The following GASK1B variants were observed in gnomAD, a reference collection of about 807,000 sequenced individuals.
GASK1B encodes the protein golgi associated kinase 1B, also known as Golgi-associated kinase 1B.
In GASK1B, 34 loss-of-function variants were observed where a neutral mutation model predicts 42.8. That is an observed-to-expected ratio of 0.79 (90% CI 0.60 to 1.06). The LOEUF (loss-of-function observed/expected upper bound fraction) is 1.06, where lower values mean the gene tolerates loss of function less well. Ranked by LOEUF, GASK1B falls within the 50% of genes least tolerant of loss-of-function variation. The pLI is 0.00. For synonymous variants in GASK1B, 262 were observed against 259.1 expected (o/e 1.01, Z -0.11); for missense variants, 686 against 661.0 (o/e 1.04, Z -0.42).
rs769592624 is a variant in GASK1B at position 158,170,473 on chromosome 4, G to C, written c.903C>G (p.Phe301Leu). 7.4e-6 allele frequency: 12 copies of C among 1,614,146 alleles called. No homozygotes were observed. Among genetic ancestry groups the C allele is most frequent in the Non-Finnish European group, 1.0e-5 (12 of 1,180,060 alleles). The change falls in exon 2 of 5, where the codon TTC (phenylalanine) becomes TTG (leucine). Residue 301 changes from phenylalanine to leucine, a missense_variant. Physicochemically the swap from Phe to Leu is conservative, Grantham distance 22. Transcript: ENST00000585682. ...AGCATGTGAATCTGTTACCTTGGATGAACTCTGCTTTCCTGCTCACAGACG... is the reference window on the plus strand; with the variant it reads ...AGCATGTGAATCTGTTACCTTGGATCAACTCTGCTTTCCTGCTCACAGACG... ...TLPSVSRKAE[F>L]IQDGRPCPII...
intron 3 of GASK1B, among the ~76,000 whole-genome samples, chr4:158,134,178 C>T (rs1327966689): frequency 6.6e-6 from 1 of 152,176 alleles, no homozygotes; most frequent in African/African-American, 2.4e-5. Flanking sequence ...AATCTACACC[C>T]TTAAATTCAG....
At chr4:158,127,827 T>C (rs1163334035) in intron 4 of GASK1B, among the ~76,000 whole-genome samples, 1 of 152,140 alleles carries the variant, frequency 6.6e-6, no homozygotes. Flanking sequence ...TTCTACACCA[T>C]TCAGAACATG....
Position 158,143,837 on chromosome 4 carries a change from T to TA in GASK1B, c.1125+11773dup, listed in dbSNP as rs887179317. 1.2e-4 allele frequency among the ~76,000 whole-genome samples: 19 copies of TA among 152,088 alleles called. No individual in the cohort carries two copies. In the South Asian group the frequency reaches 1.7e-3, roughly 13 times the overall value. The stretch of plus-strand genomic sequence containing the variant: ...AATTATTGTTTACCTACACATGCAT[T>TA]AAAAAAAATCCTTTGTGCTGTCTCC... On this transcript the variant is annotated intron_variant, in intron 3 of 4. Coordinates refer to ENST00000585682, the MANE Select transcript of GASK1B (RefSeq NM_001128424.2).
chr4:158,154,687 T>C (rs963922631), intron 3 of GASK1B, among the ~76,000 whole-genome samples: 1 of 152,220 alleles, frequency 6.6e-6, no homozygotes, highest in Non-Finnish European at 1.5e-5. Context: ...TAAAGAGGTA[T>C]GAAATAATGG....
intron 2 of GASK1B, among the ~76,000 whole-genome samples, chr4:158,164,633 C>T (rs1297976539): frequency 6.6e-6 from 1 of 152,194 alleles, no homozygotes; most frequent in African/African-American, 2.4e-5. Flanking sequence ...AACATGATTA[C>T]ACACTCCTAA....
chr4:158,170,539 G>A lies in GASK1B; in HGVS notation c.837C>T (p.Ala279=). Residue 279 remains alanine (A), a synonymous_variant, in exon 2 of 5, where the codon GCC becomes GCT. Transcript: ENST00000585682. ...GCCCCAGGATCCTGTCTAGGTGGAA[G>A]GCAAACACCTCACTCATGTCCAAGG... ...KQPLDMSEVF[A]FHLDRILGLN... 6.2e-7 allele frequency: 1 copy of A among 1,614,256 alleles called. No individual in the cohort carries two copies. Among genetic ancestry groups the A allele is most frequent in the Non-Finnish European group, 8.5e-7 (1 of 1,180,048 alleles).
In GASK1B at chr4:158,170,529, C is replaced by A. The variant is rs753113769; in HGVS notation, c.847G>T (p.Asp283Tyr). The change falls in exon 2 of 5, where the codon GAC (aspartate) becomes TAC (tyrosine). Residue 283 changes from aspartate (D) to tyrosine (Y), a missense_variant. By Grantham distance (160) the Asp-to-Tyr change is radical. Coordinates refer to ENST00000585682, the MANE Select transcript of GASK1B (RefSeq NM_001128424.2). The stretch of plus-strand genomic sequence containing the variant: ...GTCCTGTTGAGCCCCAGGATCCTGT[C>A]TAGGTGGAAGGCAAACACCTCACTC... Reference protein sequence around the residue: ...DMSEVFAFHLDRILGLNRTLP... With the variant: ...DMSEVFAFHLYRILGLNRTLP... 1.9e-6 allele frequency: 3 copies of A among 1,614,242 alleles called. No homozygotes were observed. The highest frequency in any genetic ancestry group is 2.5e-6 in the Non-Finnish European group (3 of 1,180,044).
At chr4:158,143,087 C>T (rs78371747) in intron 3 of GASK1B, among the ~76,000 whole-genome samples, 414 of 152,202 alleles carry the variant, frequency 2.7e-3, no homozygotes, top group African/African-American at 9.6e-3. Context: ...TTATTTTGTG[C>T]GTGATAATAG....
At chr4:158,133,828 C>T (rs1441354703) in intron 3 of GASK1B, among the ~76,000 whole-genome samples, 2 of 152,108 alleles carry the variant, frequency 1.3e-5, no homozygotes, top group African/African-American at 4.8e-5. Flanking sequence ...TGCATTCAGC[C>T]CAACTTCTCT....
chr4:158,168,448 A>G (rs1253366829), intron 2 of GASK1B: 1 of 152,232 alleles, frequency 6.6e-6, no homozygotes, highest in Non-Finnish European at 1.5e-5. Context: ...GAGGAATTCA[A>G]TGAACTTGGT....
chr4:158,143,553 A>G (rs1373043337), intron 3 of GASK1B, among the ~76,000 whole-genome samples: 1 of 152,182 alleles, frequency 6.6e-6, no homozygotes, highest in Non-Finnish European at 1.5e-5. Context: ...CTGAGGTAAC[A>G]TTAATAGAAA....
At chr4:158,148,478 CA>C (rs1352798203) in intron 3 of GASK1B, among the ~76,000 whole-genome samples, 2 of 152,062 alleles carry the variant, frequency 1.3e-5, no homozygotes, top group Non-Finnish European at 2.9e-5. Flanking sequence ...GAACAAAATA[CA>C]TAAGTCCACT....
At chr4:158,163,143 C>T (rs894846649) in intron 2 of GASK1B, among the ~76,000 whole-genome samples, 4 of 152,152 alleles carry the variant, frequency 2.6e-5, no homozygotes, top group African/African-American at 9.7e-5. Context: ...CAAGGTCCTT[C>T]TTTAAATGAA....
chr4:158,154,027 T>G (rs1579035496), intron 3 of GASK1B, among the ~76,000 whole-genome samples: 1 of 151,748 alleles, frequency 6.6e-6, no homozygotes, highest in East Asian at 1.9e-4. Flanking sequence ...CTTAATTAAA[T>G]TAAAAGGCTT....
intron 2 of GASK1B, among the ~76,000 whole-genome samples, chr4:158,167,803 TGGGTG>T (rs777049110): frequency 7.3e-4 from 111 of 152,268 alleles, no homozygotes; most frequent in Non-Finnish European, 1.5e-3. Flanking sequence ...GTTGCCTCCC[TGGGTG>T]GGCTGCAAGG....
chr4:158,149,922 G>GTTTTTTTTTTTTTTTTTTTTTTT (rs1560785203), intron 3 of GASK1B, among the ~76,000 whole-genome samples: 1 of 15,526 alleles, frequency 6.4e-5, no homozygotes, highest in African/African-American at 1.3e-4. Flanking sequence ...TCTGCATGCT[G>GTTTTTTTTTTTTTTTTTTTTTTT]CTTTTTTTTT....
chr4:158,166,539 C>G (rs1472442903), intron 2 of GASK1B, among the ~76,000 whole-genome samples: 3 of 152,166 alleles, frequency 2.0e-5, no homozygotes, highest in African/African-American at 7.2e-5. Context: ...TGGGCCTCAA[C>G]TTCCATATTT....
chr4:158,170,336 CT>C (rs780702139), intron 2 of GASK1B, 129 bp downstream of exon 2: 6 of 1,607,188 alleles, frequency 3.7e-6, no homozygotes, highest in Middle Eastern at 1.6e-4. Flanking sequence ...GAAAGACACG[CT>C]GCTGCTGCTG....
intron 3 of GASK1B, among the ~76,000 whole-genome samples, chr4:158,136,259 C>A (rs1730885915): frequency 6.6e-6 from 1 of 151,942 alleles, no homozygotes; most frequent in African/African-American, 2.4e-5. Context: ...CAGTTATGTG[C>A]ACCTACGGTC....
Sources: allele counts gnomAD v4.1 joint callset (sites outside exome capture counted in the v4.1 genomes callset), GRCh38; gene constraint gnomAD v4.1.1; transcripts MANE v1.5; gene names NCBI Gene and HGNC (gene_info 2026-07-23, HGNC 2026-07-21).